The following SNX2 variants were observed in gnomAD, a reference collection of about 807,000 sequenced individuals.
The protein encoded by SNX2 is sorting nexin-2.
Under a neutral mutation model 69.9 loss-of-function variants are expected in SNX2, and 25 were observed. The observed-to-expected ratio is 0.36, with a 90% CI of 0.26 to 0.50. The LOEUF is 0.50. SNX2 is among the 20% of genes least tolerant of loss of function. The pLI is 0.97. For missense variants in SNX2, 551 were observed against 613.3 expected, an observed-to-expected ratio of 0.90 and a Z score of 1.07; for synonymous variants, 229 against 200.4, an observed-to-expected ratio of 1.14 and a Z score of -1.20.
At chr5:122,793,453 AGAAT>A (rs1243226637) in intron 1 of SNX2, among the ~76,000 whole-genome samples, 2 of 152,218 alleles carry the variant, frequency 1.3e-5, no homozygotes, top group Non-Finnish European at 2.9e-5. Flanking sequence ...CGCATGGTAA[AGAAT>A]GGGAGGGAGC....
chr5:122,775,079 C>A (rs200816836), upstream of SNX2: 4 of 1,564,984 alleles, frequency 2.6e-6, no homozygotes, highest in African/African-American at 2.7e-5. Flanking sequence ...AGGCCCAGCT[C>A]GCGCAGTCGT....
chr5:122,783,352 A>T (rs760704040), intron 1 of SNX2, among the ~76,000 whole-genome samples: 5 of 152,138 alleles, frequency 3.3e-5, no homozygotes, highest in African/African-American at 4.8e-5. Context: ...AGTATTTTAG[A>T]TGTCACATAT....
intron 1 of SNX2, among the ~76,000 whole-genome samples, chr5:122,788,043 A>T (rs1357511492): frequency 6.6e-6 from 1 of 152,064 alleles, no homozygotes; most frequent in East Asian, 1.9e-4. Flanking sequence ...AGCATAAAGA[A>T]TTTCCTTCAG....
Position 122,829,611 on chromosome 5 carries a change from G to A in SNX2, c.1523G>A (p.Trp508Ter). The A allele has an allele frequency of 6.2e-7, 1 of 1,612,632 alleles. No individual in the cohort carries two copies. The highest frequency in any genetic ancestry group is 8.5e-7 in the Non-Finnish European group (1 of 1,178,790). ...VQTQQQLIKY[W>*]EAFLPEAKAI... ...TATCATTCACAGCTGATAAAATACT[G>A]GGAAGCATTCCTACCTGAAGCCAAA... Residue 508 changes from tryptophan to a stop codon, truncating the protein, a stop_gained, in exon 15 of 15, where the codon TGG (tryptophan) becomes TAG (stop). Transcript: ENST00000379516. LOFTEE classifies it high-confidence loss of function.
intron 14 of SNX2, among the ~76,000 whole-genome samples, chr5:122,829,109 C>T (rs962256868): frequency 1.3e-5 from 2 of 152,112 alleles, no homozygotes; most frequent in Non-Finnish European, 2.9e-5. Context: ...AAGAGTGAAA[C>T]TCCACCTCAA....
intron 1 of SNX2, among the ~76,000 whole-genome samples, chr5:122,782,074 C>G (rs748518710): frequency 3.3e-4 from 50 of 152,228 alleles, no homozygotes; most frequent in Non-Finnish European, 6.5e-4. Flanking sequence ...AAACATTTAC[C>G]AGCACAACAC....
chr5:122,807,254 C>T (rs533567613), intron 6 of SNX2, among the ~76,000 whole-genome samples: 10 of 151,154 alleles, frequency 6.6e-5, no homozygotes, highest in South Asian at 2.1e-4. Context: ...AGAGTGAGAC[C>T]GTGTTTCGAA....
intron 11 of SNX2, among the ~76,000 whole-genome samples, chr5:122,825,109 A>AT (rs1157710375): frequency 6.6e-6 from 1 of 152,118 alleles, no homozygotes; most frequent in Non-Finnish European, 1.5e-5. Context: ...AGGAACATGT[A>AT]TTTTTACTGC....
chr5:122,831,635 AT>A lies in SNX2; in HGVS notation c.*1988del, dbSNP rs1244671105. 6.6e-6 allele frequency among the ~76,000 whole-genome samples: 1 copy of A among 152,220 alleles called. No homozygotes were observed. The highest frequency in any genetic ancestry group is 6.5e-5 in the Admixed American group (1 of 15,274). ...AATAATTCATAGTAATATATATCAGATGCTATCTTGTTGCTCCATTAATATT... is the reference window on the plus strand; with the variant it reads ...AATAATTCATAGTAATATATATCAGAGCTATCTTGTTGCTCCATTAATATT... On this transcript the variant is annotated 3_prime_UTR_variant, in exon 15 of 15. Transcript: ENST00000379516.
intron 1 of SNX2, chr5:122,775,871 TTG>T (rs773699646): frequency 3.0e-3 from 2,114 of 705,632 alleles, no homozygotes; most frequent in Non-Finnish European, 3.4e-3. Flanking sequence ...GAAACTGCTG[TTG>T]TGTGTGTGTG....
chr5:122,808,891 A>C (rs1462961074), intron 7 of SNX2, among the ~76,000 whole-genome samples: 1 of 152,176 alleles, frequency 6.6e-6, no homozygotes, highest in Non-Finnish European at 1.5e-5. Context: ...CTTAGTAAGA[A>C]CATTATTAAA....
chr5:122,823,939 T>C (rs1754088106), intron 11 of SNX2, among the ~76,000 whole-genome samples: 1 of 152,044 alleles, frequency 6.6e-6, no homozygotes, highest in South Asian at 2.1e-4. Flanking sequence ...CGGTGGCTCA[T>C]GCCTGTAATC....
chr5:122,806,989 C>A (rs1207844318), intron 6 of SNX2, among the ~76,000 whole-genome samples: 1 of 152,004 alleles, frequency 6.6e-6, no homozygotes, highest in Non-Finnish European at 1.5e-5. Context: ...ATAATTCATC[C>A]ATTTAAAGTG....
intron 14 of SNX2, among the ~76,000 whole-genome samples, chr5:122,829,098 T>C (rs1187659027): frequency 6.6e-6 from 1 of 152,058 alleles, no homozygotes; most frequent in Admixed American, 6.6e-5. Flanking sequence ...GTCTGGGCAA[T>C]AAGAGTGAAA....
At chr5:122,806,168 A>ACACACACACACACACACACACACC (rs1491247026) in intron 6 of SNX2, among the ~76,000 whole-genome samples, 6 of 145,644 alleles carry the variant, frequency 4.1e-5, no homozygotes, top group Non-Finnish European at 7.6e-5. Context: ...ACACACACAC[A>ACACACACACACACACACACACACC]GCCCACCATT....
chr5:122,824,751 T>A (rs1489859602), intron 11 of SNX2, among the ~76,000 whole-genome samples: 3 of 152,240 alleles, frequency 2.0e-5, no homozygotes, highest in African/African-American at 7.2e-5. Flanking sequence ...ATTTTTTCCA[T>A]AATACTAACC....
chr5:122,810,413 A>AG (rs1350249122), intron 7 of SNX2, among the ~76,000 whole-genome samples: 1 of 151,434 alleles, frequency 6.6e-6, no homozygotes, highest in Non-Finnish European at 1.5e-5. Flanking sequence ...AAAAAAAAAA[A>AG]AAAAAAAAGA....
Position 122,808,253 on chromosome 5 carries a change from G to A in SNX2, c.644-24G>A, listed in dbSNP as rs765274551. On this transcript the variant is annotated intron_variant, in intron 6 of 14. Coordinates refer to ENST00000379516, the MANE Select transcript of SNX2 (RefSeq NM_003100.4). ...TTTCACAGCAATATAAAGTCATCATGAATCTCATTCAACTTCTTCAAAGGG... is the reference window on the plus strand; with the variant it reads ...TTTCACAGCAATATAAAGTCATCATAAATCTCATTCAACTTCTTCAAAGGG... The A allele has an allele frequency of 1.1e-5, 16 of 1,442,292 alleles. No individual in the cohort carries two copies. In the South Asian group the frequency reaches 1.4e-4, roughly 13 times the overall value. The allele number at this position is 1,442,292 out of a possible 1,614,324, so 89.3% of individuals were successfully genotyped here.
At chr5:122,797,754 A>G (rs1753416285) in intron 2 of SNX2, among the ~76,000 whole-genome samples, 1 of 152,332 alleles carries the variant, frequency 6.6e-6, no homozygotes, top group East Asian at 1.9e-4. Context: ...ATTAATCTTT[A>G]CAGTTAGCAC....
Sources: allele counts gnomAD v4.1 joint callset (sites outside exome capture counted in the v4.1 genomes callset), GRCh38; gene constraint gnomAD v4.1.1; transcripts MANE v1.5; gene names NCBI Gene and HGNC (gene_info 2026-07-23, HGNC 2026-07-21).